Variants in PEX14 observed in about 807,000 individuals in gnomAD.
PEX14 encodes the protein peroxisomal membrane protein PEX14.
In PEX14, 15 loss-of-function variants were observed where a neutral mutation model predicts 49.5. The ratio of observed to expected loss-of-function variants is 0.30; its 90% CI spans 0.20 to 0.47. The LOEUF is 0.47. Ranked by LOEUF, PEX14 falls within the 20% of genes least tolerant of loss-of-function variation. The pLI is 1.00. For synonymous variants in PEX14, 210 were observed against 212.7 expected, an observed-to-expected ratio of 0.99 and a Z score of 0.11; for missense variants, 398 against 494.8, an observed-to-expected ratio of 0.80 and a Z score of 1.86.
At chr1:10,615,452 T>G (rs913870605) in intron 4 of PEX14, among the ~76,000 whole-genome samples, 5 of 152,104 alleles carry the variant, frequency 3.3e-5, no homozygotes, top group Non-Finnish European at 7.4e-5. Context: ...AGAACTAGAG[T>G]GAACTTCTGT....
chr1:10,573,719 C>A (rs1283616311), intron 3 of PEX14, among the ~76,000 whole-genome samples: 1 of 152,162 alleles, frequency 6.6e-6, no homozygotes, highest in Non-Finnish European at 1.5e-5. Context: ...TATGACCTAG[C>A]AATTCCATTA....
chr1:10,510,351 C>G (rs774678689), intron 2 of PEX14, among the ~76,000 whole-genome samples: 1 of 152,214 alleles, frequency 6.6e-6, no homozygotes, highest in Non-Finnish European at 1.5e-5. Context: ...ATAAATAATT[C>G]TGTTGAAACA....
chr1:10,626,115 A>C (rs561596252), intron 7 of PEX14, among the ~76,000 whole-genome samples: 1 of 152,344 alleles, frequency 6.6e-6, no homozygotes, highest in African/African-American at 2.4e-5. Context: ...ACCTACATAA[A>C]ACTGAAGGCT....
At chr1:10,538,792 G>C (rs1177555413) in intron 3 of PEX14, among the ~76,000 whole-genome samples, 1 of 152,240 alleles carries the variant, frequency 6.6e-6, no homozygotes, top group African/African-American at 2.4e-5. Context: ...AGGGGCCTGG[G>C]TTCTGGCACC....
chr1:10,535,691 A>G (rs1638778738), intron 2 of PEX14, among the ~76,000 whole-genome samples: 1 of 152,214 alleles, frequency 6.6e-6, no homozygotes, highest in Non-Finnish European at 1.5e-5. Context: ...ATTGAAGAGA[A>G]TAGGGAGATC....
In PEX14 at chr1:10,518,581, AG is replaced by A. The variant is rs749868352; in HGVS notation, c.85-17631del. 1.4e-4 allele frequency among the ~76,000 whole-genome samples: 22 copies of A among 152,354 alleles called. No homozygotes were observed. In the East Asian group the frequency reaches 2.5e-3, roughly 17 times the overall value. ...CCCTTACACTGTAGAATAGAACACA[AG>A]TGTCCAAGACTCTCACTTGGTGCAT... On this transcript the variant is annotated intron_variant, in intron 2 of 8. Coordinates refer to ENST00000356607, the MANE Select transcript of PEX14 (RefSeq NM_004565.3).
chr1:10,536,693 T>C (rs768650915), intron 3 of PEX14: 1 of 231,918 alleles, frequency 4.3e-6, no homozygotes, highest in Non-Finnish European at 8.7e-6. Context: ...GAGAAAGAAA[T>C]GAAGGGCGAG....
chr1:10,527,570 T>C (rs909160001), intron 2 of PEX14, among the ~76,000 whole-genome samples: 6 of 151,816 alleles, frequency 4.0e-5, no homozygotes, highest in African/African-American at 1.5e-4. Flanking sequence ...TTCTAGGCTA[T>C]GAGTAGTTCT....
chr1:10,621,840 A>G (rs2124637750), intron 5 of PEX14, among the ~76,000 whole-genome samples: 1 of 152,266 alleles, frequency 6.6e-6, no homozygotes, highest in African/African-American at 2.4e-5. Context: ...AGTTCCCACA[A>G]ACCCCTTGTG....
chr1:10,555,896 C>T (rs1639474215), intron 3 of PEX14, among the ~76,000 whole-genome samples: 1 of 152,098 alleles, frequency 6.6e-6, no homozygotes, highest in African/African-American at 2.4e-5. Context: ...ATTTGAGAGA[C>T]AGGATGAGAC....
At chr1:10,595,922 C>A (rs1557864650) in intron 3 of PEX14, among the ~76,000 whole-genome samples, 1 of 152,222 alleles carries the variant, frequency 6.6e-6, no homozygotes, top group East Asian at 1.9e-4. Context: ...AATTCACTTA[C>A]AATTGGCAGT....
chr1:10,541,157 G>C (rs1445744114), intron 3 of PEX14, among the ~76,000 whole-genome samples: 1 of 152,232 alleles, frequency 6.6e-6, no homozygotes, highest in East Asian at 1.9e-4. Context: ...AGAGAAATAA[G>C]AGAGGACAGT....
chr1:10,481,627 G>A (rs947312554), intron 1 of PEX14, among the ~76,000 whole-genome samples: 13 of 151,814 alleles, frequency 8.6e-5, no homozygotes, highest in Non-Finnish European at 1.8e-4. Context: ...TGTAGAGGTC[G>A]GGTCTCGCTG....
At chr1:10,553,975 C>T (rs1395483589) in intron 3 of PEX14, among the ~76,000 whole-genome samples, 1 of 151,996 alleles carries the variant, frequency 6.6e-6, no homozygotes, top group East Asian at 1.9e-4. Context: ...TTTACTCTTA[C>T]AAATCAGTGG....
intron 3 of PEX14, among the ~76,000 whole-genome samples, chr1:10,596,472 G>A (rs1180974409): frequency 1.3e-5 from 2 of 152,146 alleles, no homozygotes; most frequent in Non-Finnish European, 2.9e-5. Flanking sequence ...TGAGAGTGGC[G>A]GGGTAGGGAG....
chr1:10,487,776 C>T (rs1267348356), intron 1 of PEX14, among the ~76,000 whole-genome samples: 3 of 151,862 alleles, frequency 2.0e-5, no homozygotes, highest in African/African-American at 7.3e-5. Context: ...AGCCACTGTG[C>T]CCGGCCTACT....
chr1:10,577,401 AAAAAAAACC>A (rs1410693045), intron 3 of PEX14, among the ~76,000 whole-genome samples: 1 of 2,932 alleles, frequency 3.4e-4, no homozygotes, highest in Non-Finnish European at 5.3e-4. Flanking sequence ...TGTCTCAAAA[AAAAAAAACC>A]AAAAAAAAAA....
At chr1:10,620,971 A>G (rs1408497746) in intron 5 of PEX14, among the ~76,000 whole-genome samples, 1 of 152,224 alleles carries the variant, frequency 6.6e-6, no homozygotes, top group Non-Finnish European at 1.5e-5. Context: ...AGCAGTAGGC[A>G]CTGTCACATG....
chr1:10,593,683 TG>T (rs1173062604), intron 3 of PEX14, among the ~76,000 whole-genome samples: 1 of 53,214 alleles, frequency 1.9e-5, no homozygotes, highest in Non-Finnish European at 3.8e-5. Flanking sequence ...TTAGACAGGT[TG>T]GGGGGCTGGG....
Sources: allele counts gnomAD v4.1 joint callset (sites outside exome capture counted in the v4.1 genomes callset), GRCh38; gene constraint gnomAD v4.1.1; transcripts MANE v1.5; gene names NCBI Gene and HGNC (gene_info 2026-07-23, HGNC 2026-07-21).